Variants in EYS observed in about 807,000 individuals in gnomAD.
EYS encodes protein eyes shut homolog.
In EYS, 250 loss-of-function variants were observed where a neutral mutation model predicts 282.1. The observed-to-expected ratio is 0.89, with a 90% CI of 0.80 to 0.98. EYS has a LOEUF of 0.98. Ranked by LOEUF, EYS falls within the 50% of genes least tolerant of loss-of-function variation. The pLI is 0.00. For synonymous variants in EYS, 1,355 were observed against 1,282.9 expected, an observed-to-expected ratio of 1.06 and a Z score of -1.20; for missense variants, 4,016 against 3,709.0, an observed-to-expected ratio of 1.08 and a Z score of -2.15.
chr6:65,391,261 T>G (rs918576828), intron 7 of EYS, among the ~76,000 whole-genome samples: 1 of 152,110 alleles, frequency 6.6e-6, no homozygotes, highest in Non-Finnish European at 1.5e-5. Context: ...GTTGTACTAA[T>G]AGTAGCAAAA....
intron 13 of EYS, among the ~76,000 whole-genome samples, chr6:65,054,566 T>G (rs1426157998): frequency 6.6e-6 from 1 of 152,058 alleles, no homozygotes; most frequent in Non-Finnish European, 1.5e-5. Flanking sequence ...TCTTCTGATA[T>G]ACCAGACATG....
At chr6:65,487,769 T>C (rs1765868092) in intron 5 of EYS, among the ~76,000 whole-genome samples, 1 of 152,072 alleles carries the variant, frequency 6.6e-6, no homozygotes, top group Admixed American at 6.6e-5. Context: ...ATTTTTGTAC[T>C]TATGGTAGAA....
intron 29 of EYS, among the ~76,000 whole-genome samples, chr6:64,371,671 C>A (rs1003340794): frequency 2.6e-5 from 4 of 152,144 alleles, no homozygotes; most frequent in African/African-American, 9.7e-5. Context: ...TCTCTAAGAG[C>A]TTGATCTATG....
At chr6:65,531,530 G>C (rs1462459205) in intron 2 of EYS, among the ~76,000 whole-genome samples, 1 of 152,134 alleles carries the variant, frequency 6.6e-6, no homozygotes, top group Non-Finnish European at 1.5e-5. Context: ...CCCAAAGTCA[G>C]ACTACATGAA....
In EYS at chr6:64,388,793, T is replaced by C. The variant is rs762475623; in HGVS notation, c.5975A>G (p.Asn1992Ser). The change falls in exon 29 of 43, where the codon AAT (asparagine) becomes AGT (serine). Residue 1992 changes from asparagine (N) to serine (S), a missense_variant. By Grantham distance (46) the Asn-to-Ser change is conservative. Coordinates refer to ENST00000503581, the MANE Select transcript of EYS (RefSeq NM_001142800.2). Reference protein sequence around the residue: ...CNAELTILGRNTQICESINHV... With the variant: ...CNAELTILGRSTQICESINHV... Reference sequence around the variant, plus strand: ...ATTGATAGATTCGCATATTTGTGTATTCCTCCCTAAAATAGTCAGCTCAGC... The same window carrying C: ...ATTGATAGATTCGCATATTTGTGTACTCCTCCCTAAAATAGTCAGCTCAGC... 5.1e-5 allele frequency: 79 copies of C among 1,543,752 alleles called. No homozygotes were observed. Among genetic ancestry groups the C allele is most frequent in the Middle Eastern group, 1.7e-4 (1 of 5,996 alleles).
chr6:65,549,434 T>A (rs1768517544), intron 2 of EYS, among the ~76,000 whole-genome samples: 1 of 152,172 alleles, frequency 6.6e-6, no homozygotes, highest in African/African-American at 2.4e-5. Context: ...ATGCCTGCCT[T>A]CCTGTTTTGG....
intron 12 of EYS, among the ~76,000 whole-genome samples, chr6:65,276,045 T>C (rs546713388): frequency 4.6e-5 from 7 of 152,132 alleles, no homozygotes; most frequent in East Asian, 1.9e-4. Context: ...AATGAAGTGA[T>C]GCATTGGGCC....
chr6:64,833,249 A>G (rs184053699), intron 19 of EYS, among the ~76,000 whole-genome samples: 253 of 152,028 alleles, frequency 1.7e-3, no homozygotes, highest in Middle Eastern at 6.8e-3. Context: ...CATCAAAACA[A>G]TTCTTTAAAT....
At chr6:64,450,809 C>T (rs532250572) in intron 26 of EYS, among the ~76,000 whole-genome samples, 3 of 152,098 alleles carry the variant, frequency 2.0e-5, no homozygotes, top group Admixed American at 6.6e-5. Flanking sequence ...TTGAAAGCAA[C>T]GAGAACAAAG....
At chr6:65,474,775 T>C (rs1315570735) in intron 5 of EYS, among the ~76,000 whole-genome samples, 1 of 152,102 alleles carries the variant, frequency 6.6e-6, no homozygotes, top group Admixed American at 6.6e-5. Flanking sequence ...CCACTTAATT[T>C]AGGGTTAGTT....
chr6:65,186,713 T>G (rs1765525153), intron 12 of EYS, among the ~76,000 whole-genome samples: 1 of 151,784 alleles, frequency 6.6e-6, no homozygotes, highest in Non-Finnish European at 1.5e-5. Context: ...CTTAAAAGAT[T>G]GGGCTTCAGA....
chr6:64,633,412 T>A (rs925135793), intron 22 of EYS, among the ~76,000 whole-genome samples: 2 of 152,050 alleles, frequency 1.3e-5, no homozygotes, highest in African/African-American at 4.8e-5. Flanking sequence ...CTTCATTAAT[T>A]TGAAATGATC....
rs75430309 is a variant in EYS, at chr6:63,961,629, C to T, written c.7055+22754G>A. Among the ~76,000 whole-genome samples the T allele has an allele frequency of 8.6e-3, 1,304 of 152,084 alleles. 16 individuals carry two copies. The highest frequency in any genetic ancestry group is 0.029 in the African/African-American group (1,221 of 41,498). On this transcript the variant is annotated intron_variant, in intron 35 of 42. Transcript: ENST00000503581. ...TTATTGCTCTATATTTATAAAAAAGCCTGTTTGGTGGTCTCTTCACATGGA... is the reference window on the plus strand; with the variant it reads ...TTATTGCTCTATATTTATAAAAAAGTCTGTTTGGTGGTCTCTTCACATGGA...
At chr6:65,525,371 T>C (rs1470894989) in intron 2 of EYS, among the ~76,000 whole-genome samples, 1 of 152,156 alleles carries the variant, frequency 6.6e-6, no homozygotes, top group African/African-American at 2.4e-5. Context: ...AAAGGTCTAT[T>C]ATACACACCT....
intron 12 of EYS, among the ~76,000 whole-genome samples, chr6:65,124,090 C>T (rs984846587): frequency 6.6e-6 from 1 of 151,992 alleles, no homozygotes; most frequent in Non-Finnish European, 1.5e-5. Flanking sequence ...AGGCGGATCC[C>T]TTGAGCCTAG....
intron 15 of EYS, among the ~76,000 whole-genome samples, chr6:64,939,330 A>G (rs1363912101): frequency 1.3e-5 from 2 of 151,892 alleles, no homozygotes; most frequent in African/African-American, 2.4e-5. Context: ...AATCTTAGGA[A>G]TGATGAAATG....
chr6:64,969,169 G>C (rs1770204970), intron 14 of EYS, among the ~76,000 whole-genome samples: 1 of 152,114 alleles, frequency 6.6e-6, no homozygotes, highest in Non-Finnish European at 1.5e-5. Context: ...CATGGCCTAG[G>C]ACATGGACTG....
intron 22 of EYS, among the ~76,000 whole-genome samples, chr6:64,744,933 T>A (rs1391756940): frequency 6.6e-6 from 1 of 152,156 alleles, no homozygotes; most frequent in African/African-American, 2.4e-5. Context: ...AATAGATGTT[T>A]GTTATTAAAA....
At chr6:64,135,222 T>A (rs1380133420) in intron 31 of EYS, among the ~76,000 whole-genome samples, 2 of 151,402 alleles carry the variant, frequency 1.3e-5, no homozygotes, top group African/African-American at 4.9e-5. Context: ...CTTTTTTTTT[T>A]AACAGAAAAA....
Sources: gnomAD v4.1 joint callset for allele counts (sites outside exome capture counted in the v4.1 genomes callset) on GRCh38, gnomAD v4.1.1 for gene constraint, MANE v1.5 for transcripts, NCBI Gene and HGNC (gene_info 2026-07-23, HGNC 2026-07-21) for gene names.